ERBB4: variants seen among roughly 807,000 people sequenced by gnomAD.
ERBB4 encodes the protein receptor tyrosine-protein kinase erbB-4.
In ERBB4, 42 loss-of-function variants were observed where a neutral mutation model predicts 158.0. The observed-to-expected ratio is 0.27, with a 90% CI of 0.21 to 0.34. ERBB4 has a LOEUF of 0.34. Among genes scored for constraint, ERBB4 ranks in the 10% least tolerant of loss-of-function variants. The pLI is 1.00. For synonymous variants in ERBB4, 583 were observed against 558.7 expected (o/e 1.04, Z -0.61); for missense variants, 1,333 against 1,624.1 (o/e 0.82, Z 3.08).
chr2:211,770,097 T>G (rs1161206140), intron 4 of ERBB4, among the ~76,000 whole-genome samples: 1 of 152,202 alleles, frequency 6.6e-6, no homozygotes. Context: ...TCTTCCAGGC[T>G]TAGAAATTTT....
intron 1 of ERBB4, among the ~76,000 whole-genome samples, chr2:212,323,334 A>G: frequency 6.6e-6 from 1 of 150,608 alleles, no homozygotes; most frequent in Non-Finnish European, 1.5e-5. Context: ...TTATTTTTCT[A>G]ATTCTGATTT....
chr2:211,617,854 A>C (rs2069451681), intron 19 of ERBB4, among the ~76,000 whole-genome samples: 1 of 152,088 alleles, frequency 6.6e-6, no homozygotes, highest in South Asian at 2.1e-4. Context: ...AATAGAAATC[A>C]TTCTTATTAC....
intron 25 of ERBB4, among the ~76,000 whole-genome samples, chr2:211,389,221 G>T (rs1274561936): frequency 6.6e-6 from 1 of 152,122 alleles, no homozygotes; most frequent in African/African-American, 2.4e-5. Context: ...ATTTTTAGTA[G>T]AGACGGGGTT....
At chr2:211,451,336 T>G (rs2064241944) in intron 20 of ERBB4, among the ~76,000 whole-genome samples, 1 of 152,130 alleles carries the variant, frequency 6.6e-6, no homozygotes. Context: ...AGGACGGAAG[T>G]CTGAATAGTA....
At chr2:211,928,283 T>C (rs1336548346) in intron 3 of ERBB4, among the ~76,000 whole-genome samples, 2 of 151,994 alleles carry the variant, frequency 1.3e-5, no homozygotes, top group East Asian at 1.9e-4. Context: ...AGAATAATCA[T>C]TGTAACCTTT....
Position 211,665,496 on chromosome 2 carries a change from A to T in ERBB4, c.1717-19T>A. The T allele has an allele frequency of 6.2e-7, 1 of 1,613,076 alleles. No homozygotes were observed. ...CAGGACCCTGAAATGTGAAAACGAA[A>T]AAAAAAGAAAAAAGAAAAGTGGTGT... On this transcript the variant is annotated intron_variant, in intron 14 of 27. Coordinates refer to ENST00000342788, the MANE Select transcript of ERBB4 (RefSeq NM_005235.3).
chr2:211,952,079 G>A (rs76493657), intron 2 of ERBB4, among the ~76,000 whole-genome samples: 2,583 of 152,052 alleles, frequency 0.017, 81 homozygotes, highest in African/African-American at 0.059. Context: ...AGGGACACAT[G>A]GAACTGAAGC....
chr2:211,999,837 C>T (rs781486594), intron 2 of ERBB4, among the ~76,000 whole-genome samples: 3 of 151,476 alleles, frequency 2.0e-5, no homozygotes, highest in Admixed American at 6.6e-5. Flanking sequence ...TATTTCCTTA[C>T]CAAGTTTAGT....
At chr2:212,276,842 A>G (rs2085555856) in intron 1 of ERBB4, among the ~76,000 whole-genome samples, 1 of 151,820 alleles carries the variant, frequency 6.6e-6, no homozygotes, top group Non-Finnish European at 1.5e-5. Flanking sequence ...CTATGTCATA[A>G]GCCATCTGAT....
intron 1 of ERBB4, among the ~76,000 whole-genome samples, chr2:212,236,753 T>G (rs534118488): frequency 6.6e-6 from 1 of 152,236 alleles, no homozygotes; most frequent in East Asian, 1.9e-4. Context: ...TTTATTAGCT[T>G]AGAGGTGTTT....
intron 1 of ERBB4, among the ~76,000 whole-genome samples, chr2:212,441,145 G>C (rs1333692396): frequency 6.6e-6 from 1 of 152,142 alleles, no homozygotes; most frequent in Admixed American, 6.5e-5. Flanking sequence ...GGGCACATGT[G>C]GGAGGATTCT....
chr2:212,419,238 T>G (rs752253785), intron 1 of ERBB4, among the ~76,000 whole-genome samples: 3 of 151,890 alleles, frequency 2.0e-5, no homozygotes. Context: ...TAATGTGGTT[T>G]TCAAGTCAAT....
rs1026390886 is a variant in ERBB4 at position 212,206,757 on chromosome 2, T to A, written c.83-81854A>T. 4.6e-4 allele frequency among the ~76,000 whole-genome samples: 70 copies of A among 151,966 alleles called. No individual in the cohort carries two copies. The East Asian group carries it at 0.013, about 28-fold the overall frequency. Reference sequence around the variant, plus strand: ...GCCCGCCACTGCGCCCAGCTAATTTTTTTTGTATTTTTAGTAGAGACGGGG... The same window carrying A: ...GCCCGCCACTGCGCCCAGCTAATTTATTTTGTATTTTTAGTAGAGACGGGG... On this transcript the variant is annotated intron_variant, in intron 1 of 27. Coordinates refer to ENST00000342788, the MANE Select transcript of ERBB4 (RefSeq NM_005235.3).
At chr2:211,689,462 T>G (rs183555451) in intron 12 of ERBB4, among the ~76,000 whole-genome samples, 9 of 152,270 alleles carry the variant, frequency 5.9e-5, no homozygotes, top group Non-Finnish European at 1.5e-5. Context: ...TCTCCCAAAG[T>G]GCTGGGATTA....
chr2:211,580,883 ATATATATATATATATATATATAT>A lies in ERBB4; in HGVS notation c.2302-18818_2302-18796del, dbSNP rs1224646332. Among the ~76,000 whole-genome samples, 9 of 3,602 alleles carry A rather than the reference ATATATATATATATATATATATAT, an allele frequency of 2.5e-3. 3 individuals are homozygous for A. Among genetic ancestry groups the A allele is most frequent in the African/African-American group, 5.1e-3 (7 of 1,366 alleles). 2.4% of individuals were successfully genotyped at this position (3,602 alleles called of 152,430 possible). On this transcript the variant is annotated intron_variant, in intron 19 of 27. Transcript: ENST00000342788. ...TGCATATACATATATATATATATAT[ATATATATATATATATATATATAT>A]ATATATATATGATGGAATACTACTT... is the stretch of plus-strand genomic sequence containing the variant.
intron 1 of ERBB4, among the ~76,000 whole-genome samples, chr2:212,428,534 G>C (rs1319204894): frequency 6.6e-6 from 1 of 152,020 alleles, no homozygotes; most frequent in African/African-American, 2.4e-5. Flanking sequence ...ATGGGAAATG[G>C]CTAATCAATG....
intron 1 of ERBB4, among the ~76,000 whole-genome samples, chr2:212,171,539 G>A (rs1179904608): frequency 6.6e-6 from 1 of 152,126 alleles, no homozygotes; most frequent in African/African-American, 2.4e-5. Context: ...GCCCCAACAA[G>A]TCTCATCTCA....
At chr2:212,020,254 C>T (rs889704722) in intron 2 of ERBB4, among the ~76,000 whole-genome samples, 9 of 151,940 alleles carry the variant, frequency 5.9e-5, no homozygotes, top group African/African-American at 9.7e-5. Context: ...AACAATCCTA[C>T]GCTTCATCTT....
At chr2:212,369,647 T>C (rs2090015889) in intron 1 of ERBB4, among the ~76,000 whole-genome samples, 1 of 152,124 alleles carries the variant, frequency 6.6e-6, no homozygotes, top group Admixed American at 6.6e-5. Context: ...TCATTTAACC[T>C]TGCTCTCTAG....
Sources: gnomAD v4.1 joint callset for allele counts (sites outside exome capture counted in the v4.1 genomes callset) on GRCh38, gnomAD v4.1.1 for gene constraint, MANE v1.5 for transcripts, NCBI Gene and HGNC (gene_info 2026-07-23, HGNC 2026-07-21) for gene names.